The following DNER variants were observed in gnomAD, a reference collection of about 807,000 sequenced individuals.
The protein encoded by DNER is delta and Notch-like epidermal growth factor-related receptor.
Under a neutral mutation model 78.2 loss-of-function variants are expected in DNER, and 33 were observed. That is an observed-to-expected ratio of 0.42 (90% CI 0.32 to 0.56). DNER has a LOEUF of 0.56. Ranked by LOEUF, DNER falls within the 20% of genes least tolerant of loss-of-function variation. DNER has a pLI of 0.11. For synonymous variants in DNER, 417 were observed against 384.8 expected, an observed-to-expected ratio of 1.08 and a Z score of -0.98; for missense variants, 918 against 975.3, an observed-to-expected ratio of 0.94 and a Z score of 0.78.
chr2:229,576,450 T>C (rs1697304010), intron 4 of DNER, among the ~76,000 whole-genome samples: 1 of 151,888 alleles, frequency 6.6e-6, no homozygotes, highest in Non-Finnish European at 1.5e-5. Flanking sequence ...ATTCTTAAGG[T>C]TGACATTTTG....
At chr2:229,472,390 A>G (rs924400749) in intron 7 of DNER, among the ~76,000 whole-genome samples, 1 of 152,118 alleles carries the variant, frequency 6.6e-6, no homozygotes, top group African/African-American at 2.4e-5. Context: ...TTATTGCTGG[A>G]GGCTTTCATC....
rs200934675 is a variant in DNER, at chr2:229,596,953, GCACGCATATA to G, written c.277-5075_277-5066del. Among the ~76,000 whole-genome samples the G allele has an allele frequency of 3.9e-5, 6 of 151,946 alleles. No individual in the cohort carries two copies. In the East Asian group the frequency reaches 1.2e-3, roughly 29 times the overall value. ...CACGCACATGCACATGCATGCACAT[GCACGCATATA>G]CATGCACACACCTGCGCACACACAT... On this transcript the variant is annotated intron_variant, in intron 1 of 12. Coordinates refer to ENST00000341772, the MANE Select transcript of DNER (RefSeq NM_139072.4).
chr2:229,420,260 A>G (rs1199171888), intron 8 of DNER, among the ~76,000 whole-genome samples: 1 of 152,168 alleles, frequency 6.6e-6, no homozygotes, highest in Non-Finnish European at 1.5e-5. Context: ...GCGCAGAACA[A>G]GTTTGCTGAT....
intron 7 of DNER, among the ~76,000 whole-genome samples, chr2:229,449,838 C>T (rs953018373): frequency 3.9e-5 from 6 of 152,186 alleles, no homozygotes; most frequent in African/African-American, 1.4e-4. Flanking sequence ...GGCTGGAGTG[C>T]AATGGCACAA....
At position 229,447,370 on chromosome 2, in the gene DNER, C is replaced by A. The variant is rs1478710470; in HGVS notation, c.1432G>T (p.Ala478Ser). The A allele has an allele frequency of 6.2e-7, 1 of 1,612,676 alleles. No individual in the cohort carries two copies. The highest frequency in any genetic ancestry group is 8.5e-7 in the Non-Finnish European group (1 of 1,179,454). Residue 478 changes from alanine (A) to serine (S), a missense_variant, in exon 8 of 13, where the codon GCT becomes TCT. Ala to Ser is a moderately conservative substitution (Grantham distance 99). Transcript: ENST00000341772. ...LIDFCALSPC[A>S]HGTCRSVGTS... ...CCCACGCTGCGGCACGTGCCATGAG[C>A]ACAGGGGCTGAGGGCACAGAAGTCA...
At chr2:229,511,514 G>A (rs1695864020) in intron 6 of DNER, among the ~76,000 whole-genome samples, 1 of 152,194 alleles carries the variant, frequency 6.6e-6, no homozygotes, top group Admixed American at 6.5e-5. Flanking sequence ...CAAGTCTCAT[G>A]TAACACCCAA....
At chr2:229,538,536 G>C (rs1453843279) in intron 5 of DNER, among the ~76,000 whole-genome samples, 1 of 150,770 alleles carries the variant, frequency 6.6e-6, no homozygotes, top group Non-Finnish European at 1.5e-5. Context: ...GGCTAATTTT[G>C]TTTTTTGTTT....
chr2:229,668,558 A>AT (rs1559202210), intron 1 of DNER, among the ~76,000 whole-genome samples: 6 of 124,904 alleles, frequency 4.8e-5, no homozygotes, highest in African/African-American at 2.3e-4. Context: ...ATATATATAT[A>AT]TATATATATA....
At chr2:229,517,657 A>G (rs909406857) in intron 5 of DNER, among the ~76,000 whole-genome samples, 13 of 152,234 alleles carry the variant, frequency 8.5e-5, no homozygotes, top group Non-Finnish European at 1.3e-4. Context: ...GTGCCGTCAA[A>G]TCCCGTGGGA....
chr2:229,614,042 G>A (rs1048464269), intron 1 of DNER, among the ~76,000 whole-genome samples: 7 of 150,742 alleles, frequency 4.6e-5, no homozygotes, highest in Admixed American at 6.6e-5. Flanking sequence ...GGGGGGGAGC[G>A]GGGAGGGATA....
intron 5 of DNER, among the ~76,000 whole-genome samples, chr2:229,544,282 G>T (rs907962682): frequency 1.3e-5 from 2 of 152,136 alleles, no homozygotes; most frequent in Non-Finnish European, 2.9e-5. Flanking sequence ...TAAAGGGCAG[G>T]CTTGGCCTCC....
intron 6 of DNER, among the ~76,000 whole-genome samples, chr2:229,481,204 C>T (rs1022835522): frequency 1.3e-5 from 2 of 152,156 alleles, no homozygotes; most frequent in African/African-American, 2.4e-5. Flanking sequence ...GACGTATGGA[C>T]CATGATGGCA....
intron 5 of DNER, among the ~76,000 whole-genome samples, chr2:229,544,287 G>A (rs143749257): frequency 1.3e-5 from 2 of 152,206 alleles, no homozygotes; most frequent in Non-Finnish European, 2.9e-5. Context: ...GGCAGGCTTG[G>A]CCTCCTGGAA....
chr2:229,652,197 G>A (rs1301104782), intron 1 of DNER, among the ~76,000 whole-genome samples: 1 of 152,170 alleles, frequency 6.6e-6, no homozygotes, highest in Non-Finnish European at 1.5e-5. Context: ...GGAAGAGTGA[G>A]GTCTTGAATG....
At chr2:229,635,533 G>T (rs1698516351) in intron 1 of DNER, among the ~76,000 whole-genome samples, 1 of 152,094 alleles carries the variant, frequency 6.6e-6, no homozygotes, top group Non-Finnish European at 1.5e-5. Context: ...TTCCTCACAT[G>T]CAGGAAAGGC....
rs1408454071 is a variant in DNER at position 229,714,546 on chromosome 2, TC to T, written c.-124del. 1.3e-5 allele frequency: 13 copies of T among 1,004,202 alleles called. No individual in the cohort carries two copies. Among genetic ancestry groups the T allele is most frequent in the African/African-American group, 1.8e-5 (1 of 56,618 alleles). The allele number at this position is 1,004,202 out of a possible 1,614,324, so 62.2% of individuals were successfully genotyped here. A position where few individuals can be genotyped will look rare whatever the true frequency, so the allele number is the denominator to read the frequency against. On this transcript the variant is annotated 5_prime_UTR_variant, in exon 1 of 13. Coordinates refer to ENST00000341772, the MANE Select transcript of DNER (RefSeq NM_139072.4). Reference sequence around the variant, plus strand: ...GGGCTGCTCCGCCGGGCCGGGCGCCTCCTGCAGCTGCGGGATCCGCGGTTCC... The same window carrying T: ...GGGCTGCTCCGCCGGGCCGGGCGCCTCTGCAGCTGCGGGATCCGCGGTTCC...
chr2:229,567,851 G>A (rs1002526480), intron 4 of DNER, among the ~76,000 whole-genome samples: 2 of 152,156 alleles, frequency 1.3e-5, no homozygotes, highest in Non-Finnish European at 2.9e-5. Flanking sequence ...GTCCAGAACA[G>A]ATTTTATTTA....
At chr2:229,585,485 AC>A (rs1331943858) in intron 4 of DNER, among the ~76,000 whole-genome samples, 1 of 151,588 alleles carries the variant, frequency 6.6e-6, no homozygotes, top group African/African-American at 2.4e-5. Flanking sequence ...GGGTGGTGAA[AC>A]CCCATCTTTA....
At chr2:229,645,612 C>A (rs149318199) in intron 1 of DNER, among the ~76,000 whole-genome samples, 12 of 152,230 alleles carry the variant, frequency 7.9e-5, no homozygotes, top group African/African-American at 2.4e-4. Flanking sequence ...ACCTTTAGAG[C>A]AAAAGGGGTG....
Sources: gnomAD v4.1 joint callset for allele counts (sites outside exome capture counted in the v4.1 genomes callset) on GRCh38, gnomAD v4.1.1 for gene constraint, MANE v1.5 for transcripts, NCBI Gene and HGNC (gene_info 2026-07-23, HGNC 2026-07-21) for gene names.